The following SYCP1 variants were observed in gnomAD, a reference collection of about 807,000 sequenced individuals.
SYCP1 encodes the protein synaptonemal complex protein 1, also known as cancer/testis antigen 8.
SYCP1 carries 64 observed loss-of-function variants against 153.1 expected under a neutral mutation model. That is an observed-to-expected ratio of 0.42 (90% CI 0.34 to 0.51). The LOEUF (loss-of-function observed/expected upper bound fraction) is 0.51, where lower values mean the gene tolerates loss of function less well. Among genes scored for constraint, SYCP1 ranks in the 20% least tolerant of loss-of-function variants. SYCP1 has a pLI of 0.06. For synonymous variants in SYCP1, 384 were observed against 341.8 expected, an observed-to-expected ratio of 1.12 and a Z score of -1.36; for missense variants, 997 against 1,049.0, an observed-to-expected ratio of 0.95 and a Z score of 0.68.
chr1:114,970,164 T>C (rs1240016792), intron 27 of SYCP1, among the ~76,000 whole-genome samples: 4 of 152,234 alleles, frequency 2.6e-5, no homozygotes, highest in Non-Finnish European at 5.9e-5. Flanking sequence ...GCCTTGTCTT[T>C]GAGCTCTAAA....
At position 114,994,882 on chromosome 1, in the gene SYCP1, G is replaced by A; in HGVS notation, c.2794G>A (p.Ala932Thr). The A allele has an allele frequency of 6.8e-7, 1 of 1,479,738 alleles. No individual in the cohort carries two copies. Among genetic ancestry groups the A allele is most frequent in the Non-Finnish European group, 9.0e-7 (1 of 1,114,054 alleles). The allele number at this position is 1,479,738 out of a possible 1,614,324, so 91.7% of individuals were successfully genotyped here. A position where few individuals can be genotyped will look rare whatever the true frequency, so the allele number is the denominator to read the frequency against. ...TTTTTAAATTTTATTTTGTACTCAG[G>A]CCCCTTCATCTCTAACAACCCCTGG... ...SHLCVKTPKK[A>T]PSSLTTPGST... Residue 932 changes from alanine (A) to threonine (T), a missense_variant and splice_region_variant, in exon 32 of 32, where the codon GCC (alanine) becomes ACC (threonine). Physicochemically the swap from Ala to Thr is moderately conservative, Grantham distance 58 (BLOSUM62 0). This residue lies in a region of SYCP1 where 712 missense variants were observed against 682.9 expected (regional missense o/e 1.04). Coordinates refer to ENST00000369522, the MANE Select transcript of SYCP1 (RefSeq NM_003176.4).
intron 20 of SYCP1, among the ~76,000 whole-genome samples, chr1:114,917,004 C>T (rs543863814): frequency 6.6e-6 from 1 of 151,998 alleles, no homozygotes; most frequent in Non-Finnish European, 1.5e-5. Context: ...TTACAAATAG[C>T]CCAATTATAC....
At chr1:114,919,003 C>T (rs1036301904) in intron 20 of SYCP1, among the ~76,000 whole-genome samples, 1 of 151,888 alleles carries the variant, frequency 6.6e-6, no homozygotes, top group Non-Finnish European at 1.5e-5. Context: ...TTATTTCTTC[C>T]TTTTGTCTAA....
rs576941790 is a variant in SYCP1 at position 114,891,251 on chromosome 1, T to C, written c.1258+3558T>C. Among the ~76,000 whole-genome samples, 10 of 152,322 alleles carry C rather than the reference T, an allele frequency of 6.6e-5. No homozygotes were observed. The East Asian group carries it at 1.7e-3, about 26-fold the overall frequency. ...TTTTAACCTATGTACTGCTCAGATA[T>C]AGCCTGCTCTACTCCTTGTATCTTT... On this transcript the variant is annotated intron_variant, in intron 15 of 31. Coordinates refer to ENST00000369522, the MANE Select transcript of SYCP1 (RefSeq NM_003176.4).
intron 28 of SYCP1, among the ~76,000 whole-genome samples, chr1:114,980,777 A>T (rs1450050055): frequency 4.7e-4 from 71 of 151,952 alleles, no homozygotes; most frequent in Non-Finnish European, 5.9e-5. Flanking sequence ...TTTCATTTTT[A>T]AAAATTTAAC....
intron 23 of SYCP1, among the ~76,000 whole-genome samples, chr1:114,930,806 A>C (rs1158378040): frequency 6.6e-6 from 1 of 151,926 alleles, no homozygotes; most frequent in Non-Finnish European, 1.5e-5. Context: ...TATCCATCTG[A>C]ATAAAAGAAA....
At chr1:114,946,476 G>T in intron 26 of SYCP1, 95 bp downstream of exon 26, 1 of 678,572 alleles carries the variant, frequency 1.5e-6, no homozygotes, top group Non-Finnish European at 2.4e-6. Flanking sequence ...TAATTTTTGA[G>T]CTATAGAATC....
intron 27 of SYCP1, among the ~76,000 whole-genome samples, chr1:114,956,559 G>A (rs370875694): frequency 1.3e-5 from 2 of 152,134 alleles, no homozygotes; most frequent in African/African-American, 4.8e-5. Context: ...CCCTCAAGCT[G>A]CACTTGACAT....
In SYCP1 at chr1:114,994,913, C is replaced by T; in HGVS notation, c.2825C>T (p.Thr942Ile). ...APSSLTTPGS[T>I]LKFGAIRKMR... The stretch of plus-strand genomic sequence containing the variant: ...TCATCTCTAACAACCCCTGGATCTA[C>T]ACTGAAGTTTGGAGCTATAAGAAAA... Residue 942 changes from threonine to isoleucine, a missense_variant, in exon 32 of 32, where the codon ACA (threonine) becomes ATA (isoleucine). Physicochemically the swap from Thr to Ile is moderately conservative, Grantham distance 89. This residue lies in a region of SYCP1 where 712 missense variants were observed against 682.9 expected (regional missense o/e 1.04). Coordinates refer to ENST00000369522, the MANE Select transcript of SYCP1 (RefSeq NM_003176.4). 6.2e-7 allele frequency: 1 copy of T among 1,608,488 alleles called. No individual in the cohort carries two copies.
At chr1:114,922,304 C>T (rs1375270417) in intron 20 of SYCP1, among the ~76,000 whole-genome samples, 1 of 152,088 alleles carries the variant, frequency 6.6e-6, no homozygotes, top group African/African-American at 2.4e-5. Context: ...ATCTTGTAGG[C>T]ATGTCTACTA....
intron 15 of SYCP1, among the ~76,000 whole-genome samples, chr1:114,893,472 G>C (rs1666864133): frequency 6.6e-6 from 1 of 151,980 alleles, no homozygotes; most frequent in Non-Finnish European, 1.5e-5. Flanking sequence ...CAAAATCTCA[G>C]TTGTCAAATT....
At chr1:114,863,575 C>T (rs566307569) in intron 8 of SYCP1, among the ~76,000 whole-genome samples, 2 of 152,068 alleles carry the variant, frequency 1.3e-5, no homozygotes, top group Admixed American at 6.6e-5. Flanking sequence ...TCCTATTTCT[C>T]CACAGCCTCA....
At chr1:114,949,633 C>T (rs1252745068) in intron 27 of SYCP1, among the ~76,000 whole-genome samples, 1 of 152,112 alleles carries the variant, frequency 6.6e-6, no homozygotes, top group Admixed American at 6.5e-5. Flanking sequence ...CTGTGGTCTA[C>T]CAGGGCTCAA....
intron 8 of SYCP1, among the ~76,000 whole-genome samples, chr1:114,868,547 TTGTC>T (rs1664910680): frequency 1.3e-5 from 2 of 152,186 alleles, no homozygotes; most frequent in Non-Finnish European, 2.9e-5. Flanking sequence ...TATAATGTCT[TTGTC>T]TGGTTTTGGT....
At chr1:114,912,425 C>T (rs963183965) in intron 18 of SYCP1, among the ~76,000 whole-genome samples, 2 of 151,956 alleles carry the variant, frequency 1.3e-5, no homozygotes, top group Admixed American at 6.6e-5. Context: ...CTCTGTAGAG[C>T]CACATACTCC....
At chr1:114,922,060 T>C (rs1311501003) in intron 20 of SYCP1, among the ~76,000 whole-genome samples, 1 of 152,172 alleles carries the variant, frequency 6.6e-6, no homozygotes, top group Non-Finnish European at 1.5e-5. Flanking sequence ...GGATTCTTTC[T>C]TTATCCTTGA....
intron 8 of SYCP1, 129 bp downstream of exon 8, chr1:114,860,938 A>G (rs1557750636): frequency 1.6e-6 from 1 of 623,124 alleles, no homozygotes; most frequent in Non-Finnish European, 2.7e-6. Flanking sequence ...GCCTCAGACT[A>G]TTTTTATATA....
chr1:114,965,390 C>A (rs908097020), intron 27 of SYCP1, among the ~76,000 whole-genome samples: 2 of 152,148 alleles, frequency 1.3e-5, no homozygotes, highest in Non-Finnish European at 2.9e-5. Flanking sequence ...ACTTCCCATA[C>A]TATGTTGAAT....
At chr1:114,874,338 A>C (rs372763008) in intron 8 of SYCP1, among the ~76,000 whole-genome samples, 168 bp from the exon 9 acceptor site, 12 of 152,182 alleles carry the variant, frequency 7.9e-5, no homozygotes, top group African/African-American at 2.9e-4. Flanking sequence ...CTGAACCCAA[A>C]CAGCTTTTGA....
Sources: allele counts gnomAD v4.1 joint callset (sites outside exome capture counted in the v4.1 genomes callset), GRCh38; gene constraint gnomAD v4.1.1; regional missense constraint gnomAD v4.1.1; transcripts MANE v1.5; gene names NCBI Gene and HGNC (gene_info 2026-07-23, HGNC 2026-07-21).